TUSC3: variants seen among roughly 807,000 people sequenced by gnomAD.
TUSC3 encodes dolichyl-diphosphooligosaccharide--protein glycosyltransferase subunit TUSC3.
A neutral mutation model predicts 44.8 loss-of-function variants in TUSC3; 45 were observed. That is an observed-to-expected ratio of 1.00 (90% CI 0.79 to 1.29). The LOEUF (loss-of-function observed/expected upper bound fraction) is 1.29. TUSC3 is among the 50% of genes most tolerant of loss of function. TUSC3 has a pLI of 0.00. For synonymous variants in TUSC3, 212 were observed against 152.9 expected (o/e 1.39, Z -2.85); for missense variants, 519 against 437.9 (o/e 1.19, Z -1.65).
At chr8:15,774,824 A>T in the TUSC3 span, among the ~76,000 whole-genome samples, 7 of 151,784 alleles carry the variant, frequency 4.6e-5, no homozygotes, top group East Asian at 1.4e-3. Context: ...TTTTTTTTTT[A>T]AAGGAAAATG....
chr8:15,654,201 G>T (rs1387347806), intron 3 of TUSC3, among the ~76,000 whole-genome samples: 1 of 152,174 alleles, frequency 6.6e-6, no homozygotes, highest in Non-Finnish European at 1.5e-5. Flanking sequence ...GAGTGAGGAA[G>T]ATGGGGACTT....
intron 6 of TUSC3, among the ~76,000 whole-genome samples, chr8:15,721,752 A>G (rs146798843): frequency 6.6e-4 from 100 of 152,202 alleles, no homozygotes; most frequent in Non-Finnish European, 6.8e-4. Flanking sequence ...ACAAATTACT[A>G]AAATTACTTA....
intron 2 of TUSC3, among the ~76,000 whole-genome samples, chr8:15,496,649 G>A (rs1800884170): frequency 6.6e-6 from 1 of 152,132 alleles, no homozygotes; most frequent in Admixed American, 6.6e-5. Context: ...GTTAAGTGGG[G>A]AGTAGGAACA....
At chr8:15,506,838 T>C (rs1801058416) in intron 2 of TUSC3, among the ~76,000 whole-genome samples, 2 of 152,092 alleles carry the variant, frequency 1.3e-5, no homozygotes, top group African/African-American at 4.8e-5. Context: ...GAAAGGGCCC[T>C]GCCCCTTACC....
At chr8:15,638,811 C>G (rs969056487) in intron 2 of TUSC3, among the ~76,000 whole-genome samples, 1 of 152,166 alleles carries the variant, frequency 6.6e-6, no homozygotes, top group Non-Finnish European at 1.5e-5. Flanking sequence ...CAGGCTTGAG[C>G]CACTGTACCT....
chr8:15,588,419 G>T (rs1269938697), intron 1 of TUSC3, among the ~76,000 whole-genome samples: 1 of 151,754 alleles, frequency 6.6e-6, no homozygotes, highest in Non-Finnish European at 1.5e-5. Flanking sequence ...TTGTTTATTT[G>T]CTCTTGAGGT....
chr8:15,520,033 C>G (rs17121597), intron 2 of TUSC3, among the ~76,000 whole-genome samples: 6,226 of 152,166 alleles, frequency 0.041, 416 homozygotes, highest in African/African-American at 0.14. Flanking sequence ...GTCCTTGGAG[C>G]CCCCAGTGTG....
intron 10 of TUSC3, among the ~76,000 whole-genome samples, chr8:15,761,924 G>C (rs1812182309): frequency 6.6e-6 from 1 of 151,954 alleles, no homozygotes; most frequent in Non-Finnish European, 1.5e-5. Flanking sequence ...GTATTTATTA[G>C]ACAGATAAAT....
At chr8:15,664,311 C>T (rs1807557741) in intron 5 of TUSC3, among the ~76,000 whole-genome samples, 1 of 151,460 alleles carries the variant, frequency 6.6e-6, no homozygotes. Flanking sequence ...GTTGGTGATT[C>T]AACCCAGTAG....
intron 1 of TUSC3, among the ~76,000 whole-genome samples, chr8:15,593,540 T>G (rs577059680): frequency 2.0e-5 from 3 of 152,296 alleles, no homozygotes; most frequent in Admixed American, 6.5e-5. Context: ...CTGAGTTCAT[T>G]GTTATTTTTT....
intron 9 of TUSC3, among the ~76,000 whole-genome samples, chr8:15,752,366 C>T (rs550058793): frequency 9.0e-5 from 13 of 144,542 alleles, no homozygotes; most frequent in Admixed American, 4.9e-4. Flanking sequence ...CAATAGTGAA[C>T]GTTTCTGGTT....
chr8:15,492,253 C>G (rs994040259), intron 2 of TUSC3, among the ~76,000 whole-genome samples: 1 of 152,068 alleles, frequency 6.6e-6, no homozygotes, highest in Non-Finnish European at 1.5e-5. Context: ...GGAGTTAGCA[C>G]GAACTCAAGA....
At chr8:15,725,483 G>A (rs77283977) in intron 6 of TUSC3, among the ~76,000 whole-genome samples, 1 of 152,098 alleles carries the variant, frequency 6.6e-6, no homozygotes, top group African/African-American at 2.4e-5. Context: ...ATTTAACTCA[G>A]ATATAGTTTG....
chr8:15,462,476 A>G (rs1194412932), intron 1 of TUSC3, among the ~76,000 whole-genome samples: 1 of 152,058 alleles, frequency 6.6e-6, no homozygotes, highest in Non-Finnish European at 1.5e-5. Flanking sequence ...AGGTTTTGAA[A>G]CTATGCAGAC....
At chr8:15,613,052 T>C (rs938940694) in intron 1 of TUSC3, among the ~76,000 whole-genome samples, 1 of 101,170 alleles carries the variant, frequency 9.9e-6, no homozygotes, top group Non-Finnish European at 2.1e-5. Flanking sequence ...ATATAAGCCA[T>C]ATTATATATA....
In TUSC3 at chr8:15,677,095, C is replaced by T. The variant is rs192592732; in HGVS notation, c.798+3259C>T. 2.0e-4 allele frequency among the ~76,000 whole-genome samples: 31 copies of T among 152,052 alleles called. 1 individual carries two copies. The South Asian group carries it at 2.9e-3, about 14-fold the overall frequency. The stretch of plus-strand genomic sequence containing the variant: ...GTGCAGTGGTACGATCATAGCTCAC[C>T]GCAGCCTTGAACTCCTGGCTCAAGT... On this transcript the variant is annotated intron_variant, in intron 6 of 10. Transcript: ENST00000503731.
the TUSC3 span, among the ~76,000 whole-genome samples, chr8:15,830,097 G>A: frequency 6.6e-6 from 1 of 151,800 alleles, no homozygotes; most frequent in African/African-American, 2.4e-5. Context: ...GTCTTCTTTT[G>A]AGAAATGTCT....
At chr8:15,487,818 T>A (rs1195433117) in intron 2 of TUSC3, among the ~76,000 whole-genome samples, 1 of 152,198 alleles carries the variant, frequency 6.6e-6, no homozygotes, top group Non-Finnish European at 1.5e-5. Flanking sequence ...ATCGTTGTTT[T>A]AAAATTTCAA....
intron 2 of TUSC3, among the ~76,000 whole-genome samples, chr8:15,528,306 A>G (rs1461306866): frequency 6.6e-6 from 1 of 152,186 alleles, no homozygotes; most frequent in East Asian, 1.9e-4. Context: ...ACCTCATTTG[A>G]TGAGTTCAGG....
Sources: allele counts gnomAD v4.1 joint callset (sites outside exome capture counted in the v4.1 genomes callset), GRCh38; gene constraint gnomAD v4.1.1; transcripts MANE v1.5; gene names NCBI Gene and HGNC (gene_info 2026-07-23, HGNC 2026-07-21).